ZNF385D: variants seen among roughly 807,000 people sequenced by gnomAD.
ZNF385D encodes zinc finger protein 659.
In ZNF385D, 15 loss-of-function variants were observed where a neutral mutation model predicts 35.8. That is an observed-to-expected ratio of 0.42 (90% CI 0.28 to 0.64). The LOEUF (loss-of-function observed/expected upper bound fraction) is 0.64, where lower values mean the gene tolerates loss of function less well. Among genes scored for constraint, ZNF385D ranks in the 30% least tolerant of loss-of-function variants. The probability of loss-of-function intolerance (pLI) is 0.23; values close to 1 mark genes in which losing one functional copy is unlikely to be tolerated. For synonymous variants in ZNF385D, 212 were observed against 186.8 expected, an observed-to-expected ratio of 1.13 and a Z score of -1.10; for missense variants, 474 against 494.6, an observed-to-expected ratio of 0.96 and a Z score of 0.39.
At chr3:21,808,433 G>A (rs1358115556) in intron 3 of ZNF385D, among the ~76,000 whole-genome samples, 2 of 152,200 alleles carry the variant, frequency 1.3e-5, no homozygotes, top group East Asian at 3.9e-4. Context: ...GAGAACTGCT[G>A]ACCATCTCTG....
At chr3:21,907,908 T>C (rs1026508958) in intron 3 of ZNF385D, among the ~76,000 whole-genome samples, 2 of 151,942 alleles carry the variant, frequency 1.3e-5, no homozygotes, top group Admixed American at 1.3e-4. Context: ...AACTTGCCTA[T>C]TAGAAATAGG....
At chr3:22,172,872 C>T (rs1694558335) in intron 2 of ZNF385D, among the ~76,000 whole-genome samples, 1 of 152,162 alleles carries the variant, frequency 6.6e-6, no homozygotes, top group Admixed American at 6.5e-5. Flanking sequence ...TAGGGCACAA[C>T]ACTCTTCTTC....
intron 4 of ZNF385D, among the ~76,000 whole-genome samples, chr3:21,507,241 T>A (rs1706838493): frequency 6.6e-6 from 1 of 152,156 alleles, no homozygotes; most frequent in Admixed American, 6.6e-5. Flanking sequence ...TTAAAGGCCA[T>A]ACCATTTCTT....
chr3:22,169,368 T>C (rs1312782985), intron 2 of ZNF385D, among the ~76,000 whole-genome samples: 1 of 152,206 alleles, frequency 6.6e-6, no homozygotes, highest in Non-Finnish European at 1.5e-5. Context: ...AAACAACTTG[T>C]CTAAGGTCAC....
chr3:22,223,101 G>T (rs1236042541), intron 2 of ZNF385D, among the ~76,000 whole-genome samples: 1 of 152,026 alleles, frequency 6.6e-6, no homozygotes. Context: ...AGTTTTTAAT[G>T]TAAGAACTAT....
chr3:22,030,955 C>G (rs752557733), intron 3 of ZNF385D, among the ~76,000 whole-genome samples: 1 of 152,196 alleles, frequency 6.6e-6, no homozygotes, highest in South Asian at 2.1e-4. Context: ...AAAGGTGCCA[C>G]AGGCCCCATG....
chr3:22,178,857 C>G (rs1013250720), intron 2 of ZNF385D, among the ~76,000 whole-genome samples: 2 of 152,160 alleles, frequency 1.3e-5, no homozygotes, highest in African/African-American at 2.4e-5. Flanking sequence ...TTCCCCATTT[C>G]TTGTTTTTGC....
intron 3 of ZNF385D, among the ~76,000 whole-genome samples, chr3:22,153,444 T>C (rs1705387427): frequency 6.6e-6 from 1 of 150,446 alleles, no homozygotes; most frequent in African/African-American, 2.5e-5. Context: ...TTTAATTCTG[T>C]TTGTCACCAT....
intron 2 of ZNF385D, among the ~76,000 whole-genome samples, chr3:21,568,830 C>T (rs548151647): frequency 3.9e-5 from 6 of 152,066 alleles, no homozygotes; most frequent in Non-Finnish European, 8.8e-5. Context: ...GGTTTCAATA[C>T]ATTAGTAGAC....
chr3:21,951,625 A>G (rs1314575591), intron 3 of ZNF385D, among the ~76,000 whole-genome samples: 1 of 151,586 alleles, frequency 6.6e-6, no homozygotes, highest in Admixed American at 6.6e-5. Flanking sequence ...GGGTTCTTCC[A>G]CTGTCTCCAC....
intron 2 of ZNF385D, among the ~76,000 whole-genome samples, chr3:22,305,105 T>C (rs568148825): frequency 6.6e-6 from 1 of 152,178 alleles, no homozygotes; most frequent in South Asian, 2.1e-4. Context: ...TTAGGTACCT[T>C]CCTTTAATCT....
intron 3 of ZNF385D, among the ~76,000 whole-genome samples, chr3:21,968,609 C>T (rs556547026): frequency 6.6e-6 from 1 of 152,244 alleles, no homozygotes; most frequent in South Asian, 2.1e-4. Flanking sequence ...TCTAGACACA[C>T]CCTGGGCCAG....
intron 3 of ZNF385D, among the ~76,000 whole-genome samples, chr3:21,758,974 G>GAAAAAAAAAAAA (rs1384844642): frequency 7.1e-5 from 1 of 14,158 alleles, no homozygotes; most frequent in African/African-American, 3.3e-4. Flanking sequence ...ATCATCACTG[G>GAAAAAAAAAAAA]CAAAAAAAAA....
intron 3 of ZNF385D, among the ~76,000 whole-genome samples, chr3:22,078,530 G>C (rs1700581633): frequency 6.6e-6 from 1 of 152,060 alleles, no homozygotes; most frequent in African/African-American, 2.4e-5. Context: ...AGAGGATTTT[G>C]CAACACTGTA....
intron 2 of ZNF385D, among the ~76,000 whole-genome samples, chr3:21,566,452 C>A (rs2063149954): frequency 6.6e-6 from 1 of 152,088 alleles, no homozygotes; most frequent in African/African-American, 2.4e-5. Context: ...ATGGTGAAAC[C>A]TTGTCTTTAC....
intron 1 of ZNF385D, among the ~76,000 whole-genome samples, chr3:21,705,680 T>C (rs770096289): frequency 6.6e-6 from 1 of 152,236 alleles, no homozygotes; most frequent in African/African-American, 2.4e-5. Context: ...CATGGTCATA[T>C]GATGGCAGAG....
intron 3 of ZNF385D, among the ~76,000 whole-genome samples, chr3:22,076,404 T>C (rs1700466571): frequency 6.6e-6 from 1 of 151,942 alleles, no homozygotes; most frequent in Admixed American, 6.6e-5. Flanking sequence ...CTGGCTTATT[T>C]TTTAATGAAT....
intron 3 of ZNF385D, among the ~76,000 whole-genome samples, chr3:21,544,343 GTTTTCCCTTAAAGTTAAAAA>G (rs547167638): frequency 9.9e-4 from 151 of 152,268 alleles, no homozygotes; most frequent in Non-Finnish European, 1.9e-3. Context: ...AACTTATCAA[GTTTTCCCTTAAAGTTAAAAA>G]TTGCTAGGAG....
intron 3 of ZNF385D, among the ~76,000 whole-genome samples, chr3:22,041,862 G>C (rs576067507): frequency 4.6e-5 from 7 of 152,090 alleles, no homozygotes; most frequent in Non-Finnish European, 1.0e-4. Flanking sequence ...GAAATGGACA[G>C]TTCAATCAGG....
Sources: allele counts gnomAD v4.1 joint callset (sites outside exome capture counted in the v4.1 genomes callset), GRCh38; gene constraint gnomAD v4.1.1; transcripts MANE v1.5; gene names NCBI Gene and HGNC (gene_info 2026-07-23, HGNC 2026-07-21).